The following SPON1 variants were observed in gnomAD, a reference collection of about 807,000 sequenced individuals.
SPON1 encodes spondin-1.
A neutral mutation model predicts 111.7 loss-of-function variants in SPON1; 52 were observed. The observed-to-expected ratio is 0.47, with a 90% CI of 0.37 to 0.59. The LOEUF (loss-of-function observed/expected upper bound fraction) is 0.59, where lower values mean the gene tolerates loss of function less well. Among genes scored for constraint, SPON1 ranks in the 20% least tolerant of loss-of-function variants. The pLI is 0.00. For synonymous variants in SPON1, 410 were observed against 395.8 expected (o/e 1.04, Z -0.43); for missense variants, 957 against 1,068.5 (o/e 0.90, Z 1.46).
At chr11:14,035,611 G>GTTTTTTTTTTTTT (rs1848588394) in intron 2 of SPON1, among the ~76,000 whole-genome samples, 1 of 134,536 alleles carries the variant, frequency 7.4e-6, no homozygotes, top group Non-Finnish European at 1.6e-5. Context: ...AGTACACTTA[G>GTTTTTTTTTTTTT]TTCTTTTTTT....
chr11:14,246,988 G>A (rs1848998588), intron 7 of SPON1, among the ~76,000 whole-genome samples: 1 of 152,168 alleles, frequency 6.6e-6, no homozygotes, highest in African/African-American at 2.4e-5. Flanking sequence ...TGTATGAGGA[G>A]GGAGTAGAGT....
chr11:14,212,252 G>T (rs1848584508), intron 6 of SPON1, among the ~76,000 whole-genome samples: 1 of 152,048 alleles, frequency 6.6e-6, no homozygotes, highest in African/African-American at 2.4e-5. Flanking sequence ...TTCCTTGTGA[G>T]CTTGGAGGAA....
intron 6 of SPON1, among the ~76,000 whole-genome samples, chr11:14,241,503 C>T (rs1486333359): frequency 6.6e-6 from 1 of 152,134 alleles, no homozygotes; most frequent in Admixed American, 6.5e-5. Context: ...AATCCTCAGC[C>T]TGACTGGTGT....
chr11:14,125,128 A>T (rs1847439306), intron 5 of SPON1, among the ~76,000 whole-genome samples: 1 of 152,230 alleles, frequency 6.6e-6, no homozygotes, highest in South Asian at 2.1e-4. Context: ...AAGGACAAGT[A>T]CAAGCTGTGT....
chr11:14,243,404 A>C lies in SPON1; in HGVS notation c.890+8A>C, dbSNP rs1554939908. On this transcript the variant is annotated splice_region_variant and intron_variant, in intron 7 of 15. Transcript: ENST00000576479. ...CTGGCAGCCTCTCAACGTGTAAGTA[A>C]CACAAGTCCCTTGCCTGGCCTGTCT... 6.4e-7 allele frequency: 1 copy of C among 1,565,828 alleles called. No individual in the cohort carries two copies. The highest frequency in any genetic ancestry group is 1.2e-5 in the South Asian group (1 of 84,906).
intron 6 of SPON1, among the ~76,000 whole-genome samples, chr11:14,213,618 G>A (rs1325739681): frequency 6.6e-6 from 1 of 152,138 alleles, no homozygotes; most frequent in Non-Finnish European, 1.5e-5. Context: ...TATGTACAAA[G>A]CTATATGCTA....
intron 5 of SPON1, among the ~76,000 whole-genome samples, chr11:14,082,690 G>T (rs1488362493): frequency 6.6e-6 from 1 of 152,204 alleles, no homozygotes; most frequent in Non-Finnish European, 1.5e-5. Context: ...CGTTTAAAAG[G>T]ACATGGGGAG....
chr11:13,997,103 CTG>C, intron 2 of SPON1, among the ~76,000 whole-genome samples: 1 of 152,292 alleles, frequency 6.6e-6, no homozygotes, highest in Non-Finnish European at 1.5e-5. Context: ...GTTTCTCTCT[CTG>C]TACATACTCA....
intron 6 of SPON1, among the ~76,000 whole-genome samples, chr11:14,191,267 G>A (rs1352846592): frequency 2.0e-5 from 3 of 152,222 alleles, no homozygotes; most frequent in Non-Finnish European, 4.4e-5. Context: ...GTGGACCAAT[G>A]AGAACTAGTC....
intron 6 of SPON1, among the ~76,000 whole-genome samples, chr11:14,224,293 C>T (rs1289554474): frequency 1.3e-5 from 2 of 152,042 alleles, no homozygotes; most frequent in East Asian, 3.9e-4. Flanking sequence ...CGTAGGGTAC[C>T]TTGGAAGCAC....
At chr11:14,229,860 G>A (rs777424641) in intron 6 of SPON1, among the ~76,000 whole-genome samples, 9 of 152,068 alleles carry the variant, frequency 5.9e-5, no homozygotes, top group East Asian at 1.9e-4. Flanking sequence ...CTAAAAGAGC[G>A]TTTTCACAGT....
chr11:14,017,217 A>G (rs1211940980), intron 2 of SPON1, among the ~76,000 whole-genome samples: 2 of 152,194 alleles, frequency 1.3e-5, no homozygotes, highest in African/African-American at 4.8e-5. Context: ...CAGGACCCCA[A>G]AATAATGTCA....
chr11:14,186,439 A>G (rs1848286409), intron 6 of SPON1, among the ~76,000 whole-genome samples: 1 of 152,186 alleles, frequency 6.6e-6, no homozygotes, highest in Non-Finnish European at 1.5e-5. Context: ...TAAGTTATGT[A>G]TGGTTGGGTG....
rs781791021 is a variant in SPON1 at position 14,259,583 on chromosome 11, C to T, written c.1713C>T (p.Ser571=). 7.7e-6 allele frequency: 12 copies of T among 1,554,574 alleles called. No homozygotes were observed. The Middle Eastern group carries it at 5.0e-4, about 65-fold the overall frequency. Residue 571 remains serine (S), a synonymous_variant, in exon 13 of 16, where the codon AGC becomes AGT. Transcript: ENST00000576479. The surrounding 1 kb of genome is among the most constrained non-coding windows in gnomAD (Gnocchi z 5.0). ...AGTGGGGCGAGTGGGACGAGTGCAG[C>T]GCCACCTGCGGCATGGGCATGAAGA... is the stretch of plus-strand genomic sequence containing the variant. ...MTEWGEWDEC[S]ATCGMGMKKR...
rs1256657801 is a variant in SPON1 at position 14,160,391 on chromosome 11, T to TTATATATATATTTATATATATATATTTA, written c.825+24847_825+24874dup. On this transcript the variant is annotated intron_variant, in intron 6 of 15. Transcript: ENST00000576479. Reference sequence around the variant, plus strand: ...TGTGCTCAGAACACTTACATTATTTTTATATATATATTTATATATATATAT... The same window carrying TTATATATATATTTATATATATATATTTA: ...TGTGCTCAGAACACTTACATTATTTTTATATATATATTTATATATATATATTTATATATATATATTTATATATATATAT... Among the ~76,000 whole-genome samples, 3 of 36,040 alleles carry TTATATATATATTTATATATATATATTTA rather than the reference T, an allele frequency of 8.3e-5. 1 individual carries two copies. Among genetic ancestry groups the TTATATATATATTTATATATATATATTTA allele is most frequent in the Admixed American group, 1.1e-3 (2 of 1,896 alleles). The allele number at this position is 36,040 out of a possible 152,430, so 23.6% of individuals were successfully genotyped here. A position where few individuals can be genotyped will look rare whatever the true frequency, so the allele number is the denominator to read the frequency against.
At chr11:14,160,457 A>ATATATATATATTTATATATATATATT (rs1847902741) in intron 6 of SPON1, among the ~76,000 whole-genome samples, 1 of 7,688 alleles carries the variant, frequency 1.3e-4, no homozygotes, top group Non-Finnish European at 2.2e-4. Context: ...ATATATATTT[A>ATATATATATATTTATATATATATATT]TATATATATA....
chr11:14,101,314 T>G (rs1451271745), intron 5 of SPON1, among the ~76,000 whole-genome samples: 1 of 152,020 alleles, frequency 6.6e-6, no homozygotes, highest in Admixed American at 6.6e-5. Flanking sequence ...GCAGGAGAAT[T>G]GCTTGAACCC....
chr11:14,164,627 C>A (rs1440712194), intron 6 of SPON1, among the ~76,000 whole-genome samples: 3 of 152,154 alleles, frequency 2.0e-5, no homozygotes, highest in Non-Finnish European at 2.9e-5. Flanking sequence ...TTCATCTTGC[C>A]CACTGCCTAG....
At chr11:14,239,687 T>TGCACTACAACCTGGGTG (rs1266917323) in intron 6 of SPON1, among the ~76,000 whole-genome samples, 1 of 152,224 alleles carries the variant, frequency 6.6e-6, no homozygotes, top group African/African-American at 2.4e-5. Flanking sequence ...ATCGTGCCAC[T>TGCACTACAACCTGGGTG]GCACTACAAC....
Sources: allele counts gnomAD v4.1 joint callset (sites outside exome capture counted in the v4.1 genomes callset), GRCh38; gene constraint gnomAD v4.1.1; non-coding constraint Gnocchi (gnomAD v3.1); transcripts MANE v1.5; gene names NCBI Gene and HGNC (gene_info 2026-07-23, HGNC 2026-07-21).